The following RAB37 variants were observed in gnomAD, a reference collection of about 807,000 sequenced individuals.
The protein encoded by RAB37 is ras-related protein Rab-37.
RAB37 carries 29 observed loss-of-function variants against 33.1 expected under a neutral mutation model. That is an observed-to-expected ratio of 0.88 (90% CI 0.65 to 1.20). The LOEUF (loss-of-function observed/expected upper bound fraction) is 1.20. RAB37 is among the 50% of genes most tolerant of loss of function. RAB37 has a pLI of 0.00. For synonymous variants in RAB37, 128 were observed against 119.5 expected (o/e 1.07, Z -0.47); for missense variants, 299 against 301.1 (o/e 0.99, Z 0.05).
intron 1 of RAB37, among the ~76,000 whole-genome samples, chr17:74,726,741 A>T (rs942975862): frequency 1.3e-5 from 2 of 152,198 alleles, no homozygotes; most frequent in Non-Finnish European, 2.9e-5. Context: ...CTTCCATGTC[A>T]CTGCCAGAGT....
At position 74,740,763 on chromosome 17, in the gene RAB37, C is replaced by T. The variant is rs556048886; in HGVS notation, c.94-5C>T. ...CCATTAACTGCCTCTGCCCCTACCC[C>T]CTAGGTGATGCTTCTGGGAGACACA... On this transcript the variant is annotated splice_region_variant and splice_polypyrimidine_tract_variant and intron_variant, in intron 1 of 8. Coordinates refer to ENST00000392613, the MANE Select transcript of RAB37 (RefSeq NM_001006638.3). The T allele has an allele frequency of 4.4e-6, 7 of 1,608,928 alleles. No homozygotes were observed. Among genetic ancestry groups the T allele is most frequent in the African/African-American group, 1.3e-5 (1 of 74,934 alleles).
At chr17:74,691,105 C>T (rs556227439) in intron 1 of RAB37, among the ~76,000 whole-genome samples, 5 of 151,998 alleles carry the variant, frequency 3.3e-5, no homozygotes, top group Non-Finnish European at 7.4e-5. Flanking sequence ...GATAGCAATC[C>T]TCAAGCAATC....
At chr17:74,689,498 T>G (rs956675401) in intron 1 of RAB37, among the ~76,000 whole-genome samples, 3 of 152,158 alleles carry the variant, frequency 2.0e-5, no homozygotes, top group African/African-American at 7.2e-5. Context: ...ATCTCTTTTA[T>G]GAGTTCCGGG....
At chr17:74,697,809 G>A (rs2032640701) in intron 1 of RAB37, among the ~76,000 whole-genome samples, 1 of 152,202 alleles carries the variant, frequency 6.6e-6, no homozygotes. Flanking sequence ...AGGGACAGAA[G>A]GAAAGGCCAT....
intron 1 of RAB37, among the ~76,000 whole-genome samples, chr17:74,683,644 A>T (rs1467222979): frequency 6.6e-6 from 1 of 152,188 alleles, no homozygotes; most frequent in African/African-American, 2.4e-5. Flanking sequence ...TTATATAGCC[A>T]TTCTTGCTGC....
intron 1 of RAB37, among the ~76,000 whole-genome samples, chr17:74,725,899 A>G (rs916933062): frequency 1.3e-5 from 2 of 150,806 alleles, no homozygotes; most frequent in Non-Finnish European, 3.0e-5. Flanking sequence ...TACAGGCTTG[A>G]GCCACCGCAC....
At chr17:74,741,305 G>A (rs1201484764) in intron 2 of RAB37, among the ~76,000 whole-genome samples, 4 of 152,058 alleles carry the variant, frequency 2.6e-5, no homozygotes, top group African/African-American at 9.7e-5. Context: ...AGCTGGGCTT[G>A]GGCCGGGCAT....
chr17:74,695,268 C>T (rs1323900668), intron 1 of RAB37: 3 of 1,613,384 alleles, frequency 1.9e-6, no homozygotes, highest in Non-Finnish European at 2.5e-6. Context: ...CAAAGGCGGG[C>T]TCCAGGTCAG....
chr17:74,714,396 A>AACACACACAC lies in RAB37; in HGVS notation c.73-14831_73-14822dup, dbSNP rs3046673. Among the ~76,000 whole-genome samples the AACACACACAC allele has an allele frequency of 4.4e-3, 612 of 137,958 alleles. 5 individuals are homozygous for AACACACACAC. The highest frequency in any genetic ancestry group is 0.023 in the East Asian group (107 of 4,704). The allele number at this position is 137,958 out of a possible 152,430, so 90.5% of individuals were successfully genotyped here. ...CAACAGAGCAGACGCTGTCTCTTTA[A>AACACACACAC]ACACACACACACACACACACACACA... On this transcript the variant is annotated intron_variant, in intron 1 of 7. Coordinates refer to the RAB37 transcript ENST00000340415.
intron 1 of RAB37, among the ~76,000 whole-genome samples, chr17:74,699,799 C>T (rs1335135102): frequency 2.6e-5 from 4 of 152,128 alleles, no homozygotes; most frequent in East Asian, 3.9e-4. Flanking sequence ...CCACAGCAGC[C>T]GGGGGGCCTG....
rs1199257922 is a variant in RAB37, at chr17:74,742,931, A to T, written c.247-198A>T. On this transcript the variant is annotated intron_variant, in intron 3 of 8. Transcript: ENST00000392613. The surrounding 1 kb of genome is among the most constrained non-coding windows in gnomAD (Gnocchi z 4.0). ...TAAGCCACCGCGCTCGGCTGAGGAG[A>T]TGATTTTGAACGAGCTTGAGAAATC... Among the ~76,000 whole-genome samples the T allele has an allele frequency of 2.0e-5, 3 of 151,994 alleles. No homozygotes were observed. The highest frequency in any genetic ancestry group is 7.2e-5 in the African/African-American group (3 of 41,384).
At chr17:74,720,056 C>T (rs1320173377) in intron 1 of RAB37, among the ~76,000 whole-genome samples, 1 of 152,182 alleles carries the variant, frequency 6.6e-6, no homozygotes, top group Non-Finnish European at 1.5e-5. Flanking sequence ...AATGAACTTT[C>T]TCCCAAACAG....
chr17:74,690,372 G>T (rs946757590), intron 1 of RAB37, among the ~76,000 whole-genome samples: 1 of 152,082 alleles, frequency 6.6e-6, no homozygotes, highest in Admixed American at 6.6e-5. Context: ...AAATCTTGGA[G>T]TTTGTTTTAA....
At chr17:74,732,983 G>A (rs2034412040), upstream of RAB37, among the ~76,000 whole-genome samples, 1 of 152,014 alleles carries the variant, frequency 6.6e-6, no homozygotes, top group Admixed American at 6.6e-5. Flanking sequence ...GGTATTGTGG[G>A]GGTGTGCGTC....
At chr17:74,706,110 G>A (rs1004377450) in intron 1 of RAB37, among the ~76,000 whole-genome samples, 1 of 152,030 alleles carries the variant, frequency 6.6e-6, no homozygotes, top group Non-Finnish European at 1.5e-5. Flanking sequence ...ACAAAACAGA[G>A]GAGGGAAGGG....
chr17:74,743,068 A>T, intron 3 of RAB37, 61 bp from the exon 4 acceptor site: 2 of 1,492,176 alleles, frequency 1.3e-6, no homozygotes, highest in Non-Finnish European at 1.9e-6. Context: ...GGCCTGCTCC[A>T]CCCAGCACAT....
chr17:74,737,040 G>A (rs756446487), upstream of RAB37: 2 of 1,608,448 alleles, frequency 1.2e-6, no homozygotes, highest in Admixed American at 1.7e-5. Flanking sequence ...GCACGGAGCC[G>A]AGCCGGTGTT....
At chr17:74,721,410 C>A (rs1467347168) in intron 1 of RAB37, among the ~76,000 whole-genome samples, 4 of 151,750 alleles carry the variant, frequency 2.6e-5, no homozygotes, top group Non-Finnish European at 5.9e-5. Flanking sequence ...CAATGAGCAT[C>A]CTTATACACA....
At chr17:74,675,579 A>G (rs557973246) in intron 1 of RAB37, among the ~76,000 whole-genome samples, 1 of 152,366 alleles carries the variant, frequency 6.6e-6, no homozygotes, top group East Asian at 1.9e-4. Context: ...AAACACACAC[A>G]CTACCTATTT....
Sources: allele counts gnomAD v4.1 joint callset (sites outside exome capture counted in the v4.1 genomes callset), GRCh38; gene constraint gnomAD v4.1.1; non-coding constraint Gnocchi (gnomAD v3.1); transcripts MANE v1.5; gene names NCBI Gene and HGNC (gene_info 2026-07-23, HGNC 2026-07-21).